Variants in CUL2 observed in about 807,000 individuals in gnomAD.
CUL2 encodes cullin-2.
In CUL2, 22 loss-of-function variants were observed where a neutral mutation model predicts 110.2. The observed-to-expected ratio is 0.20, with a 90% CI of 0.14 to 0.28. The LOEUF (loss-of-function observed/expected upper bound fraction) is 0.28, where lower values mean the gene tolerates loss of function less well. Ranked by LOEUF, CUL2 falls within the 10% of genes least tolerant of loss-of-function variation. The probability of loss-of-function intolerance (pLI) is 1.00; values close to 1 mark genes in which losing one functional copy is unlikely to be tolerated. For missense variants in CUL2, 631 were observed against 905.5 expected (o/e 0.70, Z 3.89); for synonymous variants, 279 against 293.2 (o/e 0.95, Z 0.49).
intron 1 of CUL2, among the ~76,000 whole-genome samples, chr10:35,088,542 T>C (rs971472316): frequency 2.0e-5 from 3 of 151,624 alleles, no homozygotes; most frequent in Non-Finnish European, 4.4e-5. Context: ...GTGTCTTGTT[T>C]ACCCTTGTAA....
chr10:35,014,464 C>A (rs1334781320), intron 18 of CUL2, among the ~76,000 whole-genome samples: 1 of 152,134 alleles, frequency 6.6e-6, no homozygotes, highest in Non-Finnish European at 1.5e-5. Context: ...GCAGCAGAAT[C>A]AAAAGGCACT....
At chr10:35,107,838 C>T (rs530582358) in intron 1 of CUL2, among the ~76,000 whole-genome samples, 8 of 137,746 alleles carry the variant, frequency 5.8e-5, no homozygotes, top group East Asian at 2.2e-4. Flanking sequence ...GCCTAGATCG[C>T]GCCACTGCAC....
chr10:35,016,185 T>C lies in CUL2; in HGVS notation c.1887+7A>G, dbSNP rs2085028103. Reference sequence around the variant, plus strand: ...ATGCTTAAATTCTTTGGAATATTACTACATACCTTTTCTGAATCATGGTTA... The same window carrying C: ...ATGCTTAAATTCTTTGGAATATTACCACATACCTTTTCTGAATCATGGTTA... On this transcript the variant is annotated splice_region_variant and intron_variant, in intron 18 of 20. Coordinates refer to ENST00000374749, the MANE Select transcript of CUL2 (RefSeq NM_003591.4). The C allele has an allele frequency of 6.2e-7, 1 of 1,607,814 alleles. No homozygotes were observed. Among genetic ancestry groups the C allele is most frequent in the Non-Finnish European group, 8.5e-7 (1 of 1,175,166 alleles).
intron 17 of CUL2, among the ~76,000 whole-genome samples, chr10:35,023,119 AAAGAT>A (rs780054539): frequency 3.3e-4 from 50 of 152,330 alleles, no homozygotes; most frequent in South Asian, 8.3e-4. Context: ...CACCACAAAT[AAAGAT>A]AAGTGAGAAG....
chr10:35,072,758 A>G (rs749364650), intron 1 of CUL2, among the ~76,000 whole-genome samples: 24 of 152,194 alleles, frequency 1.6e-4, no homozygotes, highest in Non-Finnish European at 3.1e-4. Context: ...AGGGTCCCAA[A>G]TTAAAAGAGA....
intron 1 of CUL2, among the ~76,000 whole-genome samples, chr10:35,075,407 C>A (rs1589039274): frequency 6.6e-6 from 1 of 152,128 alleles, no homozygotes; most frequent in Admixed American, 6.5e-5. Context: ...ACTATTTCTA[C>A]CCCCCAAGCT....
chr10:35,053,471 T>C (rs2134869619), intron 5 of CUL2, among the ~76,000 whole-genome samples: 1 of 152,346 alleles, frequency 6.6e-6, no homozygotes, highest in East Asian at 1.9e-4. Context: ...TCATATATAA[T>C]ACATTCTTCT....
intron 2 of CUL2, among the ~76,000 whole-genome samples, chr10:35,099,869 G>GA (rs1193302533): frequency 1.3e-5 from 2 of 151,978 alleles, no homozygotes; most frequent in African/African-American, 4.8e-5. Context: ...AAGAAAAAAA[G>GA]AAAAAAATGG....
At chr10:35,098,885 G>C (rs1453856620) in intron 2 of CUL2, among the ~76,000 whole-genome samples, 1 of 152,186 alleles carries the variant, frequency 6.6e-6, no homozygotes, top group East Asian at 1.9e-4. Context: ...AGTGAGTTGA[G>C]ATTGCATCAT....
rs555797770 is a variant in CUL2, at chr10:35,078,601, C to T, written c.-22-7262G>A. 1.2e-4 allele frequency among the ~76,000 whole-genome samples: 18 copies of T among 151,976 alleles called. No homozygotes were observed. In the East Asian group the frequency reaches 3.1e-3, roughly 26 times the overall value. ...CAGGCGTGAGCTACTGCACCCAGCCCGACATTTTTCATATAAAGAGATTTG... is the reference window on the plus strand; with the variant it reads ...CAGGCGTGAGCTACTGCACCCAGCCTGACATTTTTCATATAAAGAGATTTG... On this transcript the variant is annotated intron_variant, in intron 1 of 20. Transcript: ENST00000374749.
intron 1 of CUL2, among the ~76,000 whole-genome samples, chr10:35,079,939 G>A (rs557862815): frequency 1.3e-5 from 2 of 152,194 alleles, no homozygotes; most frequent in African/African-American, 2.4e-5. Flanking sequence ...CATCCACAGC[G>A]TAGAGATGCT....
chr10:35,022,014 AT>A (rs1195626891), intron 17 of CUL2, among the ~76,000 whole-genome samples: 7 of 152,274 alleles, frequency 4.6e-5, no homozygotes, highest in Admixed American at 1.3e-4. Flanking sequence ...TGCCACCACC[AT>A]TCTGTGATAT....
At chr10:35,098,294 C>T (rs868760848) in intron 2 of CUL2, among the ~76,000 whole-genome samples, 1 of 152,076 alleles carries the variant, frequency 6.6e-6, no homozygotes, top group Non-Finnish European at 1.5e-5. Context: ...AGATAACTCA[C>T]TATTTGAGAT....
intron 17 of CUL2, among the ~76,000 whole-genome samples, chr10:35,017,875 T>TAA (rs1440590339): frequency 1.0e-5 from 1 of 96,754 alleles, no homozygotes; most frequent in Non-Finnish European, 2.4e-5. Flanking sequence ...CATACGTGTT[T>TAA]AAAAAAAAAA....
chr10:35,121,870 A>G (rs568969912), intron 1 of CUL2, among the ~76,000 whole-genome samples: 1 of 152,284 alleles, frequency 6.6e-6, no homozygotes, highest in East Asian at 1.9e-4. Flanking sequence ...ATAGTTTTAA[A>G]TAATTCAGGA....
intron 17 of CUL2, among the ~76,000 whole-genome samples, chr10:35,020,762 G>A (rs1171703873): frequency 6.6e-6 from 1 of 152,092 alleles, no homozygotes; most frequent in Non-Finnish European, 1.5e-5. Flanking sequence ...GTATCTGTAT[G>A]TCTTTATCAA....
At chr10:35,068,841 A>G (rs1053774208) in intron 2 of CUL2, among the ~76,000 whole-genome samples, 12 of 152,208 alleles carry the variant, frequency 7.9e-5, no homozygotes, top group African/African-American at 2.9e-4. Flanking sequence ...ATGGAATTTT[A>G]CCTTATAACA....
chr10:35,123,492 A>T (rs2087701686), intron 1 of CUL2, among the ~76,000 whole-genome samples: 1 of 152,198 alleles, frequency 6.6e-6, no homozygotes, highest in African/African-American at 2.4e-5. Context: ...GGAATAAAAA[A>T]AAAAGGGATG....
upstream of CUL2, among the ~76,000 whole-genome samples, chr10:35,093,932 A>C (rs556303148): frequency 9.9e-5 from 15 of 152,168 alleles, no homozygotes; most frequent in South Asian, 3.1e-3. Flanking sequence ...TTTTCATAAA[A>C]GCATGCAATT....
Sources: gnomAD v4.1 joint callset for allele counts (sites outside exome capture counted in the v4.1 genomes callset) on GRCh38, gnomAD v4.1.1 for gene constraint, MANE v1.5 for transcripts, NCBI Gene and HGNC (gene_info 2026-07-23, HGNC 2026-07-21) for gene names.